ANKRD12: variants seen among roughly 807,000 people sequenced by gnomAD.
ANKRD12 encodes the protein ankyrin repeat domain 12.
In ANKRD12, 85 loss-of-function variants were observed where a neutral mutation model predicts 183.4. The observed-to-expected ratio is 0.46, with a 90% CI of 0.39 to 0.56. The LOEUF is 0.56. Among genes scored for constraint, ANKRD12 ranks in the 20% least tolerant of loss-of-function variants. The pLI, the probability that ANKRD12 is intolerant of heterozygous loss-of-function variation, is 0.00. For synonymous variants in ANKRD12, 914 were observed against 800.2 expected (o/e 1.14, Z -2.40); for missense variants, 2,405 against 2,357.1 (o/e 1.02, Z -0.42).
chr18:9,144,863 AATT>A (rs1213694570), intron 1 of ANKRD12, among the ~76,000 whole-genome samples: 2 of 151,970 alleles, frequency 1.3e-5, no homozygotes, highest in Admixed American at 6.6e-5. Context: ...ATATCATATT[AATT>A]ATGTATGTAT....
intron 8 of ANKRD12, among the ~76,000 whole-genome samples, chr18:9,231,263 T>TC (rs1477552323): frequency 6.6e-6 from 1 of 152,158 alleles, no homozygotes; most frequent in Admixed American, 6.5e-5. Flanking sequence ...GTCTGTTAGG[T>TC]CCTTTGGTCT....
chr18:9,144,722 A>G (rs1270337208), intron 1 of ANKRD12, among the ~76,000 whole-genome samples: 1 of 152,110 alleles, frequency 6.6e-6, no homozygotes, highest in East Asian at 1.9e-4. Flanking sequence ...AATCATTTAA[A>G]GTTATACATA....
intron 8 of ANKRD12, among the ~76,000 whole-genome samples, chr18:9,227,599 A>G (rs1410258459): frequency 6.6e-6 from 1 of 152,232 alleles, no homozygotes; most frequent in African/African-American, 2.4e-5. Context: ...TGTGAGCTTC[A>G]AGAACAGAAT....
intron 3 of ANKRD12, among the ~76,000 whole-genome samples, chr18:9,199,478 T>C (rs1024747367): frequency 1.2e-4 from 18 of 152,188 alleles, no homozygotes; most frequent in African/African-American, 2.7e-4. Flanking sequence ...GGATGTGTTT[T>C]GGGTACAGAA....
intron 4 of ANKRD12, among the ~76,000 whole-genome samples, chr18:9,205,084 G>C (rs1303203270): frequency 6.6e-6 from 1 of 152,134 alleles, no homozygotes; most frequent in Non-Finnish European, 1.5e-5. Context: ...AGGTTACCTA[G>C]AGAAATGCCA....
chr18:9,139,413 C>T (rs768507998), intron 1 of ANKRD12, among the ~76,000 whole-genome samples: 2 of 152,010 alleles, frequency 1.3e-5, no homozygotes, highest in African/African-American at 4.8e-5. Flanking sequence ...GAAAACACTT[C>T]GTTGGAGAAG....
intron 1 of ANKRD12, among the ~76,000 whole-genome samples, chr18:9,172,892 G>T (rs571691506): frequency 4.6e-4 from 69 of 150,210 alleles, no homozygotes; most frequent in Middle Eastern, 6.8e-3. Flanking sequence ...TTTTTTTTTT[G>T]TTTTTTGTTT....
chr18:9,166,998 C>G (rs1598433320), intron 1 of ANKRD12, among the ~76,000 whole-genome samples: 2 of 152,192 alleles, frequency 1.3e-5, no homozygotes, highest in Admixed American at 1.3e-4. Context: ...GCTTGTTTTT[C>G]TCAGGTTTGT....
intron 1 of ANKRD12, among the ~76,000 whole-genome samples, chr18:9,170,459 G>C (rs2032588675): frequency 6.6e-6 from 1 of 151,964 alleles, no homozygotes; most frequent in African/African-American, 2.4e-5. Flanking sequence ...TCATTCATTT[G>C]ATCTTCCGTC....
intron 1 of ANKRD12, among the ~76,000 whole-genome samples, chr18:9,144,189 A>C (rs976942360): frequency 6.6e-6 from 1 of 152,246 alleles, no homozygotes; most frequent in Admixed American, 6.5e-5. Context: ...AATTTAAATA[A>C]TATTTTAACA....
intron 8 of ANKRD12, among the ~76,000 whole-genome samples, chr18:9,227,361 A>G (rs932442069): frequency 6.6e-6 from 1 of 152,214 alleles, no homozygotes; most frequent in Non-Finnish European, 1.5e-5. Flanking sequence ...CTAAAATAGC[A>G]GTTATCATTC....
intron 10 of ANKRD12, among the ~76,000 whole-genome samples, chr18:9,267,557 T>C (rs2039364999): frequency 6.6e-6 from 1 of 151,890 alleles, no homozygotes; most frequent in Non-Finnish European, 1.5e-5. Context: ...GAAATAACGA[T>C]GTTCTTTGAG....
Position 9,258,201 on chromosome 18 carries a change from T to C in ANKRD12, c.4934T>C (p.Leu1645Ser). The change falls in exon 9 of 13, where the codon TTG becomes TCG. Residue 1645 changes from leucine (L) to serine (S), a missense_variant. By Grantham distance (145) the Leu-to-Ser change is moderately radical. Coordinates refer to ENST00000262126, the MANE Select transcript of ANKRD12 (RefSeq NM_015208.5). ...NKLESLVLTH[L>S]SRCDSDLCEM... ...CTGGAGAGTTTGGTTTTAACTCATT[T>C]GAGTAGGTGTGATTCTGATTTATGT... The C allele has an allele frequency of 2.5e-6, 4 of 1,613,878 alleles. No individual in the cohort carries two copies. The highest frequency in any genetic ancestry group is 3.4e-6 in the Non-Finnish European group (4 of 1,179,944).
chr18:9,151,940 G>T (rs1157665547), intron 1 of ANKRD12, among the ~76,000 whole-genome samples: 6 of 152,082 alleles, frequency 3.9e-5, no homozygotes, highest in African/African-American at 1.2e-4. Context: ...TTTAGGCCAG[G>T]TGCATTGGTT....
At chr18:9,221,818 A>G (rs1404728438) in intron 7 of ANKRD12, 34 bp from the exon 8 acceptor site, 2 of 1,609,388 alleles carry the variant, frequency 1.2e-6, no homozygotes, top group Admixed American at 3.4e-5. Flanking sequence ...CAATCTGTGA[A>G]GGGACTAAGT....
chr18:9,224,242 C>CA (rs372111661), intron 8 of ANKRD12, among the ~76,000 whole-genome samples: 8 of 148,892 alleles, frequency 5.4e-5, no homozygotes, highest in East Asian at 2.0e-4. Context: ...TAGATCTTAC[C>CA]AAAAAAAAAT....
intron 3 of ANKRD12, among the ~76,000 whole-genome samples, chr18:9,202,131 TG>T (rs2035209083): frequency 2.6e-5 from 4 of 152,196 alleles, no homozygotes; most frequent in Non-Finnish European, 4.4e-5. Flanking sequence ...CAGCCTTTTT[TG>T]GCATTTTAAA....
At chr18:9,241,111 A>G (rs780043442) in intron 8 of ANKRD12, among the ~76,000 whole-genome samples, 1 of 152,184 alleles carries the variant, frequency 6.6e-6, no homozygotes, top group Non-Finnish European at 1.5e-5. Flanking sequence ...ACAGTTCACC[A>G]TAAGTAGGGA....
intron 1 of ANKRD12, among the ~76,000 whole-genome samples, chr18:9,167,203 CTT>C (rs910379619): frequency 2.0e-5 from 3 of 152,098 alleles, no homozygotes; most frequent in African/African-American, 7.2e-5. Context: ...AATGCGGGCT[CTT>C]TTTTGGTTCC....
Sources: allele counts gnomAD v4.1 joint callset (sites outside exome capture counted in the v4.1 genomes callset), GRCh38; gene constraint gnomAD v4.1.1; transcripts MANE v1.5; gene names NCBI Gene and HGNC (gene_info 2026-07-23, HGNC 2026-07-21).